Variants in NANP observed in about 807,000 individuals in gnomAD.
NANP encodes N-acetylneuraminic acid phosphatase, also known as N-acylneuraminate-9-phosphatase.
Under a neutral mutation model 16.9 loss-of-function variants are expected in NANP, and 15 were observed. The ratio of observed to expected loss-of-function variants is 0.89; its 90% CI spans 0.59 to 1.37. The LOEUF (loss-of-function observed/expected upper bound fraction) is 1.37, where lower values mean the gene tolerates loss of function less well. Ranked by LOEUF, NANP falls within the 40% of genes most tolerant of loss-of-function variation. The pLI is 0.00. For missense variants in NANP, 290 were observed against 303.5 expected (o/e 0.96, Z 0.33); for synonymous variants, 135 against 112.6 (o/e 1.20, Z -1.26).
rs1247426315 is a variant in NANP, at chr20:25,613,104, T to TA, written c.*2820dup. 6.6e-6 allele frequency: 1 copy of TA among 151,860 alleles called. No homozygotes were observed. The highest frequency in any genetic ancestry group is 1.9e-4 in the East Asian group (1 of 5,192). The allele number at this position is 151,860 out of a possible 1,614,324, so 9.4% of individuals were successfully genotyped here. A position where few individuals can be genotyped will look rare whatever the true frequency, so the allele number is the denominator to read the frequency against. On this transcript the variant is annotated 3_prime_UTR_variant, in exon 2 of 2. Transcript: ENST00000304788. Reference sequence around the variant, plus strand: ...ATAAAACTGGATCCCATACACATATTAATGTTATACTATAAAATGTTATAT... The same window carrying TA: ...ATAAAACTGGATCCCATACACATATTAAATGTTATACTATAAAATGTTATAT...
At chr20:25,621,623 C>G (rs541512772) in intron 1 of NANP, among the ~76,000 whole-genome samples, 2 of 152,336 alleles carry the variant, frequency 1.3e-5, no homozygotes, top group East Asian at 1.9e-4. Context: ...GGCGCGATCT[C>G]GGCTCACTGC....
intron 1 of NANP, among the ~76,000 whole-genome samples, chr20:25,623,626 C>T (rs1038009172): frequency 6.6e-6 from 1 of 152,192 alleles, no homozygotes; most frequent in Non-Finnish European, 1.5e-5. Flanking sequence ...CACCTGCGAG[C>T]AGCCGCTCCA....
intron 1 of NANP, 143 bp from the exon 2 acceptor site, chr20:25,616,724 G>A (rs933591217): frequency 1.8e-5 from 12 of 661,042 alleles, no homozygotes; most frequent in Admixed American, 3.2e-5. Flanking sequence ...CGTTTCTGGT[G>A]GGAATTGGCC....
chr20:25,618,215 C>T (rs997282031), intron 1 of NANP, among the ~76,000 whole-genome samples: 4 of 151,784 alleles, frequency 2.6e-5, no homozygotes, highest in African/African-American at 9.7e-5. Context: ...GGGGAAATGC[C>T]ATGACAGTAG....
intron 1 of NANP, among the ~76,000 whole-genome samples, chr20:25,623,625 G>A (rs1305483988): frequency 2.6e-5 from 4 of 152,224 alleles, no homozygotes; most frequent in Admixed American, 1.3e-4. Flanking sequence ...GCACCTGCGA[G>A]CAGCCGCTCC....
intron 1 of NANP, among the ~76,000 whole-genome samples, chr20:25,620,431 G>A (rs1050931283): frequency 6.6e-6 from 1 of 152,134 alleles, no homozygotes; most frequent in Non-Finnish European, 1.5e-5. Context: ...CTCTCTGAAC[G>A]TATACGAAAA....
Position 25,616,159 on chromosome 20 carries a change from A to G in NANP, c.513T>C (p.Tyr171=), listed in dbSNP as rs763345063. The change falls in exon 2 of 2, where the codon TAT becomes TAC. Residue 171 remains tyrosine (Y), a synonymous_variant. Transcript: ENST00000304788. ...REEKPAPSIF[Y]YCCNLLGVQP... is the part of the protein sequence containing the mutation. ...GTACTCCGAGAAGATTGCAGCAGTA[A>G]TAAAATATGGACGGTGCTGGTTTCT... is the stretch of plus-strand genomic sequence containing the variant. The G allele has an allele frequency of 8.1e-6, 13 of 1,614,158 alleles. No homozygotes were observed. Among genetic ancestry groups the G allele is most frequent in the Non-Finnish European group, 1.1e-5 (13 of 1,180,042 alleles).
At chr20:25,621,708 A>G (rs932711116) in intron 1 of NANP, among the ~76,000 whole-genome samples, 2 of 152,144 alleles carry the variant, frequency 1.3e-5, no homozygotes, top group Non-Finnish European at 2.9e-5. Context: ...GCGCCCGCCA[A>G]CACACCCGGC....
rs1388874151 is a variant in NANP, at chr20:25,614,535, G to C, written c.*1390C>G. ...TGTAGCCATTAATTATTAAGCTCCT[G>C]GTAAACCCTGAATTAGATATAGAAA... On this transcript the variant is annotated 3_prime_UTR_variant, in exon 2 of 2. Coordinates refer to ENST00000304788, the MANE Select transcript of NANP (RefSeq NM_152667.3). The C allele has an allele frequency of 6.6e-6, 1 of 150,694 alleles. No individual in the cohort carries two copies. Among genetic ancestry groups the C allele is most frequent in the African/African-American group, 2.5e-5 (1 of 40,420 alleles). 9.3% of individuals were successfully genotyped at this position (150,694 alleles called of 1,614,324 possible).
intron 1 of NANP, 131 bp from the exon 2 acceptor site, chr20:25,616,712 A>G: frequency 1.4e-6 from 1 of 690,676 alleles, no homozygotes; most frequent in Non-Finnish European, 2.3e-6. Context: ...TACTAACTAC[A>G]CCGTTTCTGG....
chr20:25,618,062 C>A (rs1007612255), intron 1 of NANP, among the ~76,000 whole-genome samples: 2 of 152,140 alleles, frequency 1.3e-5, no homozygotes, highest in African/African-American at 4.8e-5. Context: ...CATCTGGGAT[C>A]TGCATCCATA....
Position 25,616,122 on chromosome 20 carries a change from A to G in NANP, c.550T>C (p.Cys184Arg). 1 of 1,614,142 alleles carries G rather than the reference A, an allele frequency of 6.2e-7. No homozygotes were observed. Among genetic ancestry groups the G allele is most frequent in the Non-Finnish European group, 8.5e-7 (1 of 1,180,036 alleles). Residue 184 changes from cysteine (C) to arginine (R), a missense_variant, in exon 2 of 2, where the codon TGT becomes CGT. Coordinates refer to ENST00000304788, the MANE Select transcript of NANP (RefSeq NM_152667.3). The stretch of plus-strand genomic sequence containing the variant: ...TCTAATGTGTCACCGACCATCACAC[A>G]GTCCCCAGGTTGTACTCCGAGAAGA... ...CNLLGVQPGD[C>R]VMVGDTLETD...
chr20:25,623,495 G>C (rs981819828), intron 1 of NANP, among the ~76,000 whole-genome samples: 5 of 152,234 alleles, frequency 3.3e-5, no homozygotes, highest in East Asian at 1.9e-4. Context: ...CACACCGACA[G>C]TCTGACCGGG....
chr20:25,616,561 T>G lies in NANP; in HGVS notation c.111A>C (p.Ser37=), dbSNP rs773886673. The stretch of plus-strand genomic sequence containing the variant: ...CAGCCTCTTCTTTATAATGGTATTT[T>G]GATTGTAAGAGTTTTATCACCTAAA... ...GMLEVIKLLQ[S]KYHYKEEAEI... The change falls in exon 2 of 2, where the codon TCA becomes TCC. Residue 37 remains serine, a synonymous_variant. Transcript: ENST00000304788. 1.9e-6 allele frequency: 3 copies of G among 1,593,582 alleles called. No individual in the cohort carries two copies.
At chr20:25,617,281 G>A (rs1216058484) in intron 1 of NANP, among the ~76,000 whole-genome samples, 1 of 152,016 alleles carries the variant, frequency 6.6e-6, no homozygotes, top group Non-Finnish European at 1.5e-5. Context: ...GCACCAGCTC[G>A]GCTCACTGCA....
intron 1 of NANP, among the ~76,000 whole-genome samples, chr20:25,618,948 G>A (rs1473803223): frequency 3.3e-5 from 5 of 152,046 alleles, no homozygotes; most frequent in Non-Finnish European, 5.9e-5. Context: ...AACATGCCAG[G>A]CAATGCTGGC....
intron 1 of NANP, among the ~76,000 whole-genome samples, chr20:25,617,799 G>A (rs1026528028): frequency 5.9e-5 from 9 of 152,178 alleles, no homozygotes; most frequent in Admixed American, 2.0e-4. Flanking sequence ...TTATAGGCAT[G>A]AGCCACTGCG....
intron 1 of NANP, among the ~76,000 whole-genome samples, chr20:25,620,362 C>A (rs2065359553): frequency 6.6e-6 from 1 of 152,170 alleles, no homozygotes; most frequent in African/African-American, 2.4e-5. Flanking sequence ...GAAGGGCTAT[C>A]CGTTAGTAGA....
In NANP at chr20:25,615,899, T is replaced by C. The variant is rs2065341143; in HGVS notation, c.*26A>G. Reference sequence around the variant, plus strand: ...CATACTCAGCAAATTGATTCTAACATTCATAATCATGCCCTTTTATGTGCT... The same window carrying C: ...CATACTCAGCAAATTGATTCTAACACTCATAATCATGCCCTTTTATGTGCT... On this transcript the variant is annotated 3_prime_UTR_variant, in exon 2 of 2. Transcript: ENST00000304788. 1 of 1,567,204 alleles carries C rather than the reference T, an allele frequency of 6.4e-7. No individual in the cohort carries two copies. The highest frequency in any genetic ancestry group is 1.4e-5 in the African/African-American group (1 of 73,310).
Sources: allele counts gnomAD v4.1 joint callset (sites outside exome capture counted in the v4.1 genomes callset), GRCh38; gene constraint gnomAD v4.1.1; transcripts MANE v1.5; gene names NCBI Gene and HGNC (gene_info 2026-07-23, HGNC 2026-07-21).